Variants in GRIA4 observed in about 807,000 individuals in gnomAD.
GRIA4 encodes glutamate ionotropic receptor AMPA type subunit 4.
In GRIA4, 34 loss-of-function variants were observed where a neutral mutation model predicts 104.0. The ratio of observed to expected loss-of-function variants is 0.33; its 90% confidence interval spans 0.25 to 0.44. GRIA4 has a LOEUF of 0.44. Ranked by LOEUF, GRIA4 falls within the 20% of genes least tolerant of loss-of-function variation. GRIA4 has a pLI of 1.00. For missense variants in GRIA4, 750 were observed against 1,096.5 expected (o/e 0.68, Z 4.46); for synonymous variants, 386 against 381.9 (o/e 1.01, Z -0.13).
chr11:105,926,527 T>C (rs551438686), intron 12 of GRIA4, among the ~76,000 whole-genome samples: 1 of 152,132 alleles, frequency 6.6e-6, no homozygotes, highest in Non-Finnish European at 1.5e-5. Context: ...AGGAAATGGT[T>C]GTCATATTTT....
intron 3 of GRIA4, among the ~76,000 whole-genome samples, chr11:105,689,049 A>G (rs1277245016): frequency 3.3e-5 from 5 of 152,204 alleles, no homozygotes; most frequent in African/African-American, 1.2e-4. Flanking sequence ...TAACAAAAAT[A>G]GAAGATGAAT....
chr11:105,683,728 T>G (rs1032500562), intron 3 of GRIA4, among the ~76,000 whole-genome samples: 2 of 152,206 alleles, frequency 1.3e-5, no homozygotes, highest in Admixed American at 1.3e-4. Context: ...TACATTTATT[T>G]GAGTATTCAG....
In GRIA4 at chr11:105,820,902, A is replaced by G. The variant is rs142064057; in HGVS notation, c.488-41122A>G. Among the ~76,000 whole-genome samples the G allele has an allele frequency of 2.6e-5, 4 of 152,266 alleles. No homozygotes were observed. In the East Asian group the frequency reaches 7.8e-4, roughly 30 times the overall value. On this transcript the variant is annotated intron_variant, in intron 4 of 16. Coordinates refer to ENST00000282499, the MANE Select transcript of GRIA4 (RefSeq NM_000829.4). ...TATGCAATCTTTGTCTTATTTTCCA[A>G]ACCAAAAATTGGTCAGCAGGCTGTT...
At chr11:105,628,919 T>C (rs2135301466) in intron 3 of GRIA4, among the ~76,000 whole-genome samples, 1 of 152,212 alleles carries the variant, frequency 6.6e-6, no homozygotes, top group Admixed American at 6.6e-5. Context: ...TCTTAACCTC[T>C]TTATATTTAG....
chr11:105,931,633 A>G (rs970984261), intron 13 of GRIA4, among the ~76,000 whole-genome samples: 8 of 152,060 alleles, frequency 5.3e-5, no homozygotes, highest in Non-Finnish European at 7.4e-5. Flanking sequence ...TGAACCTGGG[A>G]GGCAGAGGTT....
At chr11:105,792,247 A>G (rs1157925703) in intron 4 of GRIA4, among the ~76,000 whole-genome samples, 1 of 152,198 alleles carries the variant, frequency 6.6e-6, no homozygotes, top group Non-Finnish European at 1.5e-5. Context: ...AAATAAACGA[A>G]CATCAAGAGC....
chr11:105,619,191 A>T (rs898866733), intron 3 of GRIA4, among the ~76,000 whole-genome samples: 3 of 151,920 alleles, frequency 2.0e-5, no homozygotes, highest in Non-Finnish European at 4.4e-5. Flanking sequence ...TGGAGTTTTG[A>T]GCCAGATGAG....
At chr11:105,650,016 A>G (rs1231508295) in intron 3 of GRIA4, among the ~76,000 whole-genome samples, 2 of 152,164 alleles carry the variant, frequency 1.3e-5, no homozygotes, top group Non-Finnish European at 1.5e-5. Flanking sequence ...ATAAAATCAG[A>G]ACCCAAACCA....
At chr11:105,808,921 A>AT (rs1338129841) in intron 4 of GRIA4, among the ~76,000 whole-genome samples, 2 of 152,216 alleles carry the variant, frequency 1.3e-5, no homozygotes, top group East Asian at 1.9e-4. Context: ...ACATATTTAA[A>AT]TTTTTTTATT....
At chr11:105,689,960 C>T (rs900296475) in intron 3 of GRIA4, among the ~76,000 whole-genome samples, 3 of 152,162 alleles carry the variant, frequency 2.0e-5, no homozygotes, top group Admixed American at 2.0e-4. Context: ...CAAGTTCCTG[C>T]TGGCAGCTTC....
chr11:105,840,129 G>A (rs935779541), intron 4 of GRIA4, among the ~76,000 whole-genome samples: 107 of 152,206 alleles, frequency 7.0e-4, no homozygotes, highest in Non-Finnish European at 7.4e-5. Flanking sequence ...TATTTGACAA[G>A]TTATAACAGA....
At chr11:105,630,376 T>C (rs1288236479) in intron 3 of GRIA4, among the ~76,000 whole-genome samples, 1 of 122,566 alleles carries the variant, frequency 8.2e-6, no homozygotes, top group African/African-American at 2.8e-5. Flanking sequence ...CCAGCCTGAC[T>C]GACATGGTGA....
At chr11:105,879,042 T>G (rs1945947252) in intron 5 of GRIA4, among the ~76,000 whole-genome samples, 1 of 152,222 alleles carries the variant, frequency 6.6e-6, no homozygotes, top group African/African-American at 2.4e-5. Context: ...GGGAATCTCC[T>G]GGTCTGCAGG....
Position 105,862,004 on chromosome 11 carries a change from AC to A in GRIA4, c.488-19del, listed in dbSNP as rs368094625. ...GGGGAGTAAAAGCATGTTTTTAGTAACTTTTTTTTTCCCCAATAGGATACTC... is the reference window on the plus strand; with the variant it reads ...GGGGAGTAAAAGCATGTTTTTAGTAATTTTTTTTTCCCCAATAGGATACTC... On this transcript the variant is annotated intron_variant, in intron 4 of 16. Transcript: ENST00000282499. 122 of 1,522,506 alleles carry A rather than the reference AC, an allele frequency of 8.0e-5. No homozygotes were observed. The highest frequency in any genetic ancestry group is 6.9e-4 in the Middle Eastern group (4 of 5,826). 94.3% of individuals were successfully genotyped at this position (1,522,506 alleles called of 1,614,324 possible).
chr11:105,943,519 T>C (rs1218726328), intron 14 of GRIA4, among the ~76,000 whole-genome samples: 2 of 152,106 alleles, frequency 1.3e-5, no homozygotes, highest in African/African-American at 4.8e-5. Context: ...TATGAAATAC[T>C]TGAGAAGGTG....
At chr11:105,726,751 A>G (rs1938237182) in intron 3 of GRIA4, among the ~76,000 whole-genome samples, 1 of 152,246 alleles carries the variant, frequency 6.6e-6, no homozygotes, top group South Asian at 2.1e-4. Flanking sequence ...AGGGTCTGGA[A>G]TGGACCCCCA....
chr11:105,944,627 C>T (rs1287481348), intron 14 of GRIA4, among the ~76,000 whole-genome samples: 3 of 151,946 alleles, frequency 2.0e-5, no homozygotes, highest in Non-Finnish European at 4.4e-5. Flanking sequence ...CTATGTAGCA[C>T]ACCCATATAT....
intron 14 of GRIA4, 22 bp from the exon 15 acceptor site, chr11:105,971,892 T>C: frequency 7.3e-7 from 1 of 1,375,098 alleles, no homozygotes; most frequent in Non-Finnish European, 1.0e-6. Flanking sequence ...ATAATGTTAT[T>C]TATGTTATTT....
intron 4 of GRIA4, among the ~76,000 whole-genome samples, chr11:105,778,444 C>T (rs1353426705): frequency 3.9e-5 from 6 of 152,324 alleles, no homozygotes; most frequent in East Asian, 3.9e-4. Context: ...CGGTGGCTCA[C>T]GCCTGTAATC....
Sources: gnomAD v4.1 joint callset for allele counts (sites outside exome capture counted in the v4.1 genomes callset) on GRCh38, gnomAD v4.1.1 for gene constraint, MANE v1.5 for transcripts, NCBI Gene and HGNC (gene_info 2026-07-23, HGNC 2026-07-21) for gene names.